Variants in LRIF1 observed in about 807,000 individuals in gnomAD.
LRIF1 encodes ligand-dependent nuclear receptor-interacting factor 1.
In LRIF1, 32 loss-of-function variants were observed where a neutral mutation model predicts 52.7. The observed-to-expected ratio is 0.61, with a 90% confidence interval of 0.46 to 0.82. The LOEUF is 0.82. LRIF1 is among the 40% of genes least tolerant of loss of function. The pLI is 0.00. For synonymous variants in LRIF1, 323 were observed against 317.4 expected (o/e 1.02, Z -0.19); for missense variants, 887 against 892.0 (o/e 0.99, Z 0.07).
chr1:110,876,520 T>C, the LRIF1 span, among the ~76,000 whole-genome samples: 2 of 152,190 alleles, frequency 1.3e-5, no homozygotes, highest in East Asian at 1.9e-4. Context: ...GAGAACTAGA[T>C]TGAGGAATAG....
intron 1 of LRIF1, among the ~76,000 whole-genome samples, chr1:110,959,984 T>C (rs1658880256): frequency 6.6e-6 from 1 of 152,064 alleles, no homozygotes; most frequent in African/African-American, 2.4e-5. Flanking sequence ...ATTATATACA[T>C]ATAGAACATA....
chr1:110,894,476 G>T, the LRIF1 span: 1 of 1,109,528 alleles, frequency 9.0e-7, no homozygotes, highest in Admixed American at 1.7e-5. Flanking sequence ...TTGGTACAAA[G>T]TTACAGAATA....
the LRIF1 span, chr1:110,892,770 A>G: frequency 2.2e-6 from 1 of 454,680 alleles, no homozygotes. Context: ...TATTGCTAAT[A>G]ATGACTTTTG....
the LRIF1 span, among the ~76,000 whole-genome samples, chr1:110,880,861 G>A: frequency 1.3e-5 from 2 of 152,172 alleles, no homozygotes; most frequent in Non-Finnish European, 2.9e-5. Context: ...TAGGGCAAGT[G>A]AGGGTTGGGT....
At chr1:110,899,009 G>GA in the LRIF1 span, 1 of 709,406 alleles carries the variant, frequency 1.4e-6, no homozygotes, top group Non-Finnish European at 2.4e-6. Context: ...GTAATGGTTG[G>GA]AAGGGTGGTT....
At chr1:110,957,470 C>CAAAAAAAAAAAAAAAAAAAAAAAAA (rs34396800) in intron 1 of LRIF1, among the ~76,000 whole-genome samples, 18 of 42,792 alleles carry the variant, frequency 4.2e-4, no homozygotes, top group East Asian at 1.8e-3. Flanking sequence ...GACTCAGTCT[C>CAAAAAAAAAAAAAAAAAAAAAAAAA]AAAAAAAAAA....
the LRIF1 span, among the ~76,000 whole-genome samples, chr1:110,907,767 C>A: frequency 1.3e-5 from 2 of 152,036 alleles, no homozygotes; most frequent in African/African-American, 2.4e-5. Flanking sequence ...AAGTTTTTTT[C>A]TTTTCCAGTT....
chr1:110,916,788 A>G, the LRIF1 span, among the ~76,000 whole-genome samples: 3 of 152,332 alleles, frequency 2.0e-5, no homozygotes, highest in East Asian at 5.8e-4. Flanking sequence ...GCTGTATTAG[A>G]TAGACCTCAA....
At chr1:110,934,154 C>G in the LRIF1 span, among the ~76,000 whole-genome samples, 2 of 152,184 alleles carry the variant, frequency 1.3e-5, no homozygotes, top group Non-Finnish European at 2.9e-5. Context: ...CACCTGCTAA[C>G]TGAAAAGCCC....
chr1:110,877,393 G>A, the LRIF1 span, among the ~76,000 whole-genome samples: 1 of 152,162 alleles, frequency 6.6e-6, no homozygotes, highest in Non-Finnish European at 1.5e-5. Flanking sequence ...GAGGGACCCC[G>A]TATGTAAAGT....
the LRIF1 span, among the ~76,000 whole-genome samples, chr1:110,903,638 T>A: frequency 1.3e-5 from 2 of 152,200 alleles, no homozygotes; most frequent in Non-Finnish European, 2.9e-5. Flanking sequence ...AGTTACTATG[T>A]CCAGGGCTTT....
chr1:110,947,612 T>A lies in LRIF1; in HGVS notation c.*347A>T. ...AAATTTCAGTAATACACAGTCACTA[T>A]CTACTGCTGGAATAATGCCTGAGCA... On this transcript the variant is annotated 3_prime_UTR_variant, in exon 4 of 4. Transcript: ENST00000369763. 1 of 174,328 alleles carries A rather than the reference T, an allele frequency of 5.7e-6. No individual in the cohort carries two copies. The highest frequency in any genetic ancestry group is 1.2e-5 in the Non-Finnish European group (1 of 82,364). The allele number at this position is 174,328 out of a possible 1,614,324, so 10.8% of individuals were successfully genotyped here.
At chr1:110,902,599 G>A in the LRIF1 span, among the ~76,000 whole-genome samples, 3 of 151,408 alleles carry the variant, frequency 2.0e-5, no homozygotes, top group South Asian at 6.2e-4. Flanking sequence ...CAGTGATCTC[G>A]GAACGTCTGA....
chr1:110,922,624 G>A, the LRIF1 span, among the ~76,000 whole-genome samples: 4 of 152,148 alleles, frequency 2.6e-5, no homozygotes, highest in Admixed American at 6.5e-5. Context: ...CGTCCAATAT[G>A]AATAATACAA....
the LRIF1 span, among the ~76,000 whole-genome samples, chr1:110,922,753 G>T: frequency 2.6e-5 from 4 of 152,138 alleles, no homozygotes; most frequent in Admixed American, 6.5e-5. Flanking sequence ...GATATCAGAT[G>T]CCCAGAATGA....
the LRIF1 span, among the ~76,000 whole-genome samples, chr1:110,876,248 C>T: frequency 0.22 from 32,843 of 152,042 alleles, 3,890 homozygotes; most frequent in East Asian, 0.32. Flanking sequence ...AATAGTTATT[C>T]AGAATGTCTT....
the LRIF1 span, among the ~76,000 whole-genome samples, chr1:110,935,009 TG>T: frequency 6.6e-6 from 1 of 152,082 alleles, no homozygotes; most frequent in Non-Finnish European, 1.5e-5. Context: ...TCTGCTTCTT[TG>T]GAAGAAAGTG....
intron 3 of LRIF1, among the ~76,000 whole-genome samples, chr1:110,949,340 G>T (rs370599375): frequency 4.0e-5 from 6 of 151,224 alleles, no homozygotes; most frequent in Non-Finnish European, 5.9e-5. Context: ...AGATGGTCTC[G>T]ATCTCTTGAC....
the LRIF1 span, among the ~76,000 whole-genome samples, chr1:110,883,810 T>C: frequency 6.6e-6 from 1 of 151,952 alleles, no homozygotes; most frequent in Non-Finnish European, 1.5e-5. Context: ...TTCATCTAAG[T>C]TGTATTGGCA....
Sources: allele counts gnomAD v4.1 joint callset (sites outside exome capture counted in the v4.1 genomes callset), GRCh38; gene constraint gnomAD v4.1.1; transcripts MANE v1.5; gene names NCBI Gene and HGNC (gene_info 2026-07-23, HGNC 2026-07-21).